XRCC1: variants seen among roughly 807,000 people sequenced by gnomAD.
XRCC1 encodes X-ray repair cross complementing 1, also known as DNA repair protein XRCC1.
A neutral mutation model predicts 83.3 loss-of-function variants in XRCC1; 52 were observed. The observed-to-expected ratio is 0.62, with a 90% CI of 0.50 to 0.79. The LOEUF is 0.79. Ranked by LOEUF, XRCC1 falls within the 30% of genes least tolerant of loss-of-function variation. The pLI is 0.00. For missense variants in XRCC1, 793 were observed against 823.5 expected, an observed-to-expected ratio of 0.96 and a Z score of 0.45; for synonymous variants, 281 against 312.6, an observed-to-expected ratio of 0.90 and a Z score of 1.07.
chr19:43,543,766 GGCTGTCCCCAC>G (rs1244174627), intron 15 of XRCC1, 79 bp from the exon 16 acceptor site: 1 of 1,366,570 alleles, frequency 7.3e-7, no homozygotes, highest in Admixed American at 1.7e-5. Flanking sequence ...CACTCTCAAT[GGCTGTCCCCAC>G]ACTGTCCCCA....
rs369088619 is a variant in XRCC1, at chr19:43,554,697, G to A, written c.363C>T (p.Ala121=). 40 of 1,613,858 alleles carry A rather than the reference G, an allele frequency of 2.5e-5. No homozygotes were observed. The highest frequency in any genetic ancestry group is 1.8e-4 in the East Asian group (8 of 44,888). The change falls in exon 4 of 17, where the codon GCC becomes GCT. Residue 121 remains alanine, a synonymous_variant. Transcript: ENST00000262887. ...FGPDKLVRAA[A]EKRWDRVKIV... is the part of the protein sequence containing the mutation. ...TTTTGACCCGGTCCCAGCGCTTCTC[G>A]GCGGCTGCCCGGACCAGCTTGTCAG...
At chr19:43,552,543 C>A (rs1389273584) in intron 8 of XRCC1, among the ~76,000 whole-genome samples, 2 of 149,904 alleles carry the variant, frequency 1.3e-5, no homozygotes, top group Non-Finnish European at 3.0e-5. Flanking sequence ...GGATCCAGGC[C>A]CCCAACCCCT....
intron 11 of XRCC1, 26 bp downstream of exon 11, chr19:43,546,858 C>T (rs1017594262): frequency 6.2e-7 from 1 of 1,612,478 alleles, no homozygotes; most frequent in Non-Finnish European, 8.5e-7. Flanking sequence ...ACTACACCCT[C>T]CCCCACTGGA....
At chr19:43,568,516 G>GTAAA (rs1972775950) in intron 2 of XRCC1, among the ~76,000 whole-genome samples, 1 of 151,916 alleles carries the variant, frequency 6.6e-6, no homozygotes, top group Non-Finnish European at 1.5e-5. Flanking sequence ...AAGTAAGTAA[G>GTAAA]TAAGTAAATA....
chr19:43,553,343 G>C (rs1022481404), intron 6 of XRCC1, 58 bp downstream of exon 6: 38 of 1,579,628 alleles, frequency 2.4e-5, no homozygotes, highest in Non-Finnish European at 5.2e-6. Flanking sequence ...TCTACCCTCA[G>C]ACCCACGAGT....
At chr19:43,563,845 A>G (rs1173879630) in intron 2 of XRCC1, among the ~76,000 whole-genome samples, 1 of 152,148 alleles carries the variant, frequency 6.6e-6, no homozygotes, top group African/African-American at 2.4e-5. Context: ...ACACAGTTAC[A>G]TCTTTTTTGT....
rs746890660 is a variant in XRCC1, at chr19:43,546,041, C to A, written c.1481+11G>T. 6.2e-7 allele frequency: 1 copy of A among 1,613,916 alleles called. No individual in the cohort carries two copies. The highest frequency in any genetic ancestry group is 1.7e-5 in the Admixed American group (1 of 60,004). On this transcript the variant is annotated intron_variant, in intron 13 of 16. Transcript: ENST00000262887. ...GGCCAGGGACACCCCAACCCCCAGC[C>A]CCAGCCCTACCTCCTCAGCTCATCC...
At chr19:43,564,802 A>C (rs2146065809) in intron 2 of XRCC1, among the ~76,000 whole-genome samples, 1 of 151,966 alleles carries the variant, frequency 6.6e-6, no homozygotes, top group East Asian at 1.9e-4. Flanking sequence ...AAAACAAAAA[A>C]AAAACACACA....
chr19:43,575,277 T>A, intron 1 of XRCC1, 131 bp downstream of exon 1: 1 of 1,081,564 alleles, frequency 9.2e-7, no homozygotes, highest in Admixed American at 2.9e-5. Flanking sequence ...CTCTCCACAA[T>A]TCACTTTTAG....
intron 12 of XRCC1, 127 bp downstream of exon 12, chr19:43,546,468 T>C: frequency 8.9e-7 from 1 of 1,117,642 alleles, no homozygotes; most frequent in Non-Finnish European, 1.3e-6. Flanking sequence ...CCCCAGGCTC[T>C]CTTCCCTCAG....
At chr19:43,553,585 TG>T in intron 5 of XRCC1, 23 bp downstream of exon 5, 3 of 1,609,462 alleles carry the variant, frequency 1.9e-6, no homozygotes, top group Non-Finnish European at 2.5e-6. Context: ...GAGAAGGCCA[TG>T]GGGAGTGACA....
rs764451120 is a variant in XRCC1, at chr19:43,575,420, G to A, written c.39C>T (p.Ser13=). Residue 13 remains serine (S), a synonymous_variant, in exon 1 of 17, where the codon AGC becomes AGT. Transcript: ENST00000262887. ...EIRLRHVVSC[S]SQDSTHCAEN... is the part of the protein sequence containing the mutation. ...GCAGGTCCCTCACCGAGTCCTGGCT[G>A]CTGCAGGACACGACATGGCGGAGGC... 55 of 1,609,842 alleles carry A rather than the reference G, an allele frequency of 3.4e-5. No homozygotes were observed. Among genetic ancestry groups the A allele is most frequent in the Non-Finnish European group, 2.5e-6 (3 of 1,176,946 alleles).
intron 2 of XRCC1, among the ~76,000 whole-genome samples, chr19:43,571,976 C>T (rs1006835180): frequency 8.5e-5 from 13 of 152,216 alleles, no homozygotes; most frequent in African/African-American, 3.1e-4. Flanking sequence ...TTCAGCTCCA[C>T]ATGTGATCCC....
At chr19:43,548,773 A>AAAAAAAAAAAAC (rs1972545795) in intron 10 of XRCC1, among the ~76,000 whole-genome samples, 1 of 125,744 alleles carries the variant, frequency 8.0e-6, no homozygotes, top group African/African-American at 3.0e-5. Context: ...GATCAAAAAA[A>AAAAAAAAAAAAC]AAAAAAAAAA....
At position 43,545,869 on chromosome 19, in the gene XRCC1, C is replaced by A. The variant is rs753403476; in HGVS notation, c.1570G>T (p.Asp524Tyr). Residue 524 changes from aspartate to tyrosine, a missense_variant, in exon 14 of 17, where the codon GAC (aspartate) becomes TAC (tyrosine). Coordinates refer to ENST00000262887, the MANE Select transcript of XRCC1 (RefSeq NM_006297.3). ...GGAGGCTCCTGGTGTTCCTCACTGT[C>A]CGTGTTCTCATCCGTGGAGCCTGCA... ...PYAGSTDENT[D>Y]SEEHQEPPDL... 6.2e-7 allele frequency: 1 copy of A among 1,613,192 alleles called. No homozygotes were observed. Among genetic ancestry groups the A allele is most frequent in the Non-Finnish European group, 8.5e-7 (1 of 1,179,242 alleles).
In XRCC1 at chr19:43,545,904, T is replaced by TC; in HGVS notation, c.1534dup (p.Glu512GlyfsTer10). 6.2e-7 allele frequency: 1 copy of TC among 1,613,906 alleles called. No individual in the cohort carries two copies. Among genetic ancestry groups the TC allele is most frequent in the Non-Finnish European group, 8.5e-7 (1 of 1,179,908 alleles). On this transcript the variant is annotated frameshift_variant, in exon 14 of 17. Transcript: ENST00000262887. LOFTEE classifies it high-confidence loss of function. Reference sequence around the variant, plus strand: ...ATCCGTGGAGCCTGCATACGGGTCTTCCCCATTCTCCTCCTGGCCAGGGGG... The same window carrying TC: ...ATCCGTGGAGCCTGCATACGGGTCTTCCCCCATTCTCCTCCTGGCCAGGGGG...
At chr19:43,549,635 C>T (rs572522975) in intron 10 of XRCC1, among the ~76,000 whole-genome samples, 1 of 152,084 alleles carries the variant, frequency 6.6e-6, no homozygotes, top group Non-Finnish European at 1.5e-5. Context: ...TGGCTCATTG[C>T]AGCCTGAACC....
In XRCC1 at chr19:43,571,022, T is replaced by C. The variant is rs546465936; in HGVS notation, c.144+3888A>G. ...TCCTGTGTGTGGCCCCTGCAGTTGA[T>C]TGTCAACATGGAGCCAGCAGGATCC... On this transcript the variant is annotated intron_variant, in intron 2 of 16. Coordinates refer to ENST00000262887, the MANE Select transcript of XRCC1 (RefSeq NM_006297.3). Among the ~76,000 whole-genome samples, 4 of 152,306 alleles carry C rather than the reference T, an allele frequency of 2.6e-5. No individual in the cohort carries two copies. In the East Asian group the frequency reaches 7.7e-4, roughly 29 times the overall value.
In XRCC1 at chr19:43,546,086, C is replaced by G; in HGVS notation, c.1447G>C (p.Glu483Gln). 1.2e-6 allele frequency: 2 copies of G among 1,613,862 alleles called. No individual in the cohort carries two copies. Among genetic ancestry groups the G allele is most frequent in the Non-Finnish European group, 1.7e-6 (2 of 1,179,912 alleles). The change falls in exon 13 of 17, where the codon GAA becomes CAA. Residue 483 changes from glutamate to glutamine, a missense_variant. Coordinates refer to ENST00000262887, the MANE Select transcript of XRCC1 (RefSeq NM_006297.3). ...VQSEGQDNGA[E>Q]DSGDTEDELR... is the part of the protein sequence containing the mutation. ...TCATCCTCTGTGTCCCCAGAATCTT[C>G]CGCCCCATTGTCCTGTCCTTCTGCA...
Sources: gnomAD v4.1 joint callset for allele counts (sites outside exome capture counted in the v4.1 genomes callset) on GRCh38, gnomAD v4.1.1 for gene constraint, MANE v1.5 for transcripts, NCBI Gene and HGNC (gene_info 2026-07-23, HGNC 2026-07-21) for gene names.